Variants in PDE4D observed in about 807,000 individuals in gnomAD.
PDE4D encodes phosphodiesterase 4D.
In PDE4D, 24 loss-of-function variants were observed where a neutral mutation model predicts 87.4. The ratio of observed to expected loss-of-function variants is 0.27; its 90% CI spans 0.20 to 0.39. The LOEUF is 0.39. PDE4D is among the 10% of genes least tolerant of loss of function. The pLI is 1.00. For missense variants in PDE4D, 714 were observed against 1,041.0 expected (o/e 0.69, Z 4.32); for synonymous variants, 384 against 383.2 (o/e 1.00, Z -0.02).
At chr5:59,792,862 A>G (rs1765975228) in intron 1 of PDE4D, among the ~76,000 whole-genome samples, 1 of 152,180 alleles carries the variant, frequency 6.6e-6, no homozygotes, top group Non-Finnish European at 1.5e-5. Context: ...GAGATTTGAG[A>G]AAAGAGTGAC....
chr5:60,026,147 A>T (rs1475516316), intron 2 of PDE4D, among the ~76,000 whole-genome samples: 1 of 152,212 alleles, frequency 6.6e-6, no homozygotes, highest in Non-Finnish European at 1.5e-5. Context: ...CATGTGCAAA[A>T]ATTACAGCAT....
At chr5:59,745,177 A>G (rs1310974292) in intron 1 of PDE4D, among the ~76,000 whole-genome samples, 1 of 152,134 alleles carries the variant, frequency 6.6e-6, no homozygotes, top group Admixed American at 6.6e-5. Context: ...AAATGCCTAC[A>G]TATCTAGCAT....
chr5:59,218,131 G>A (rs1751681086), intron 1 of PDE4D: 3 of 284,738 alleles, frequency 1.1e-5, no homozygotes, highest in South Asian at 9.3e-5. Flanking sequence ...TAAGAAGATA[G>A]TCATGGCAGC....
intron 1 of PDE4D, among the ~76,000 whole-genome samples, chr5:59,307,470 G>T (rs1299182546): frequency 2.6e-5 from 4 of 151,882 alleles, no homozygotes; most frequent in Non-Finnish European, 5.9e-5. Context: ...ATCTGACAAA[G>T]GGCTAACATC....
chr5:60,413,714 T>TC (rs369666018), intron 1 of PDE4D, among the ~76,000 whole-genome samples: 17,811 of 118,744 alleles, frequency 0.15, 1,466 homozygotes, highest in African/African-American at 0.34. Context: ...TTTTTTCGTT[T>TC]ATTTTTTTTT....
intron 1 of PDE4D, among the ~76,000 whole-genome samples, chr5:60,358,180 G>A (rs1171006183): frequency 6.6e-6 from 1 of 152,206 alleles, no homozygotes; most frequent in Non-Finnish European, 1.5e-5. Flanking sequence ...CCGCTTCCTA[G>A]TGACTGATGT....
At chr5:60,457,251 G>A (rs568913933) in intron 1 of PDE4D, among the ~76,000 whole-genome samples, 161 of 152,084 alleles carry the variant, frequency 1.1e-3, no homozygotes, top group Non-Finnish European at 7.1e-4. Context: ...ATAACACAAG[G>A]ATACAAATCA....
rs76135753 is a variant in PDE4D, at chr5:59,735,068, A to G, written c.455+158100T>C. Among the ~76,000 whole-genome samples the G allele has an allele frequency of 6.2e-4, 95 of 152,284 alleles. No individual in the cohort carries two copies. In the East Asian group the frequency reaches 8.1e-3, roughly 13 times the overall value. On this transcript the variant is annotated intron_variant, in intron 1 of 14. Coordinates refer to ENST00000340635, the MANE Select transcript of PDE4D (RefSeq NM_001104631.2). ...AATATCAGATTTATCTATTGCCCATAGGATATTTGTTTTAAAGTGATACAC... is the reference window on the plus strand; with the variant it reads ...AATATCAGATTTATCTATTGCCCATGGGATATTTGTTTTAAAGTGATACAC...
intron 1 of PDE4D, among the ~76,000 whole-genome samples, chr5:59,890,052 T>TA (rs1750727496): frequency 2.0e-5 from 3 of 152,208 alleles, no homozygotes; most frequent in Non-Finnish European, 4.4e-5. Flanking sequence ...CACAAACTGT[T>TA]ACAAATTCTC....
At chr5:59,960,081 A>G (rs1167529075) in intron 3 of PDE4D, among the ~76,000 whole-genome samples, 1 of 152,210 alleles carries the variant, frequency 6.6e-6, no homozygotes, top group Non-Finnish European at 1.5e-5. Flanking sequence ...CAAGCAACCA[A>G]TAAACATGAA....
intron 2 of PDE4D, among the ~76,000 whole-genome samples, chr5:60,157,858 T>C (rs1442538736): frequency 3.3e-5 from 5 of 151,626 alleles, no homozygotes; most frequent in East Asian, 3.9e-4. Flanking sequence ...TTTTCTTTTC[T>C]TTTTTCTTTT....
At chr5:60,110,669 G>A (rs1777580260) in intron 2 of PDE4D, among the ~76,000 whole-genome samples, 1 of 152,012 alleles carries the variant, frequency 6.6e-6, no homozygotes, top group South Asian at 2.1e-4. Flanking sequence ...CCAAAGGAAA[G>A]GAAACCAATA....
intron 1 of PDE4D, among the ~76,000 whole-genome samples, chr5:59,424,588 C>A (rs775420512): frequency 6.6e-6 from 1 of 152,010 alleles, no homozygotes; most frequent in Non-Finnish European, 1.5e-5. Context: ...AGAGTGCCAA[C>A]AGGGGAAATG....
At chr5:60,085,435 T>C (rs1774422257) in intron 2 of PDE4D, among the ~76,000 whole-genome samples, 2 of 152,152 alleles carry the variant, frequency 1.3e-5, no homozygotes, top group Admixed American at 1.3e-4. Flanking sequence ...CCAGTCTTAT[T>C]TTCTCATTCT....
intron 1 of PDE4D, among the ~76,000 whole-genome samples, chr5:59,860,621 A>T (rs923116759): frequency 6.6e-6 from 1 of 152,218 alleles, no homozygotes; most frequent in African/African-American, 2.4e-5. Context: ...TCTAATAAAA[A>T]CACTGAAAAT....
At chr5:59,308,345 A>AG (rs1321934683) in intron 1 of PDE4D, among the ~76,000 whole-genome samples, 5 of 152,020 alleles carry the variant, frequency 3.3e-5, no homozygotes, top group Non-Finnish European at 7.4e-5. Flanking sequence ...TTAAAAAAAA[A>AG]AGAGGTTCTG....
rs1369231034 is a variant in PDE4D at position 59,215,977 on chromosome 5, G to A, written c.456-9C>T. 4.4e-6 allele frequency: 7 copies of A among 1,593,714 alleles called. No homozygotes were observed. In the African/African-American group the frequency reaches 8.1e-5, roughly 18 times the overall value. On this transcript the variant is annotated splice_polypyrimidine_tract_variant and intron_variant, in intron 1 of 14. Transcript: ENST00000340635. ...CATTGTCCACATCAAAACTGTAAAG[G>A]AAGGAGAAGGAATTATGTTGCTGTG...
At chr5:59,450,121 C>T (rs1798919451) in intron 1 of PDE4D, among the ~76,000 whole-genome samples, 1 of 152,144 alleles carries the variant, frequency 6.6e-6, no homozygotes, top group Non-Finnish European at 1.5e-5. Context: ...AAACCAAAAG[C>T]TCTATTCTGA....
chr5:59,468,656 T>C (rs1157383801), intron 1 of PDE4D, among the ~76,000 whole-genome samples: 1 of 152,192 alleles, frequency 6.6e-6, no homozygotes, highest in African/African-American at 2.4e-5. Flanking sequence ...TAAAAATGAA[T>C]AGGTAAAGCA....
Sources: gnomAD v4.1 joint callset for allele counts (sites outside exome capture counted in the v4.1 genomes callset) on GRCh38, gnomAD v4.1.1 for gene constraint, MANE v1.5 for transcripts, NCBI Gene and HGNC (gene_info 2026-07-23, HGNC 2026-07-21) for gene names.